CDH18: variants seen among roughly 807,000 people sequenced by gnomAD.
CDH18 encodes cadherin 18.
Under a neutral mutation model 67.9 loss-of-function variants are expected in CDH18, and 31 were observed. That is an observed-to-expected ratio of 0.46 (90% CI 0.34 to 0.62). The LOEUF (loss-of-function observed/expected upper bound fraction) is 0.62. Among genes scored for constraint, CDH18 ranks in the 20% least tolerant of loss-of-function variants. The pLI, the probability that CDH18 is intolerant of heterozygous loss-of-function variation, is 0.01. For missense variants in CDH18, 890 were observed against 975.5 expected, an observed-to-expected ratio of 0.91 and a Z score of 1.17; for synonymous variants, 362 against 347.2, an observed-to-expected ratio of 1.04 and a Z score of -0.48.
chr5:19,948,566 G>A (rs906539094), intron 2 of CDH18, among the ~76,000 whole-genome samples: 1 of 152,284 alleles, frequency 6.6e-6, no homozygotes, highest in Admixed American at 6.5e-5. Context: ...AGGGAGGCTT[G>A]TGCTAGGGCA....
At chr5:19,712,922 A>T (rs533429856) in intron 5 of CDH18, among the ~76,000 whole-genome samples, 1 of 151,864 alleles carries the variant, frequency 6.6e-6, no homozygotes, top group Admixed American at 6.6e-5. Context: ...ATTTAAAGTA[A>T]TGAAAGAAAA....
chr5:19,693,688 G>A (rs1047735577), intron 5 of CDH18, among the ~76,000 whole-genome samples: 1 of 152,102 alleles, frequency 6.6e-6, no homozygotes, highest in African/African-American at 2.4e-5. Flanking sequence ...CTTCTGGTCA[G>A]GAGTTTGAGA....
chr5:20,535,022 C>T (rs984617910), intron 1 of CDH18, among the ~76,000 whole-genome samples: 25 of 152,018 alleles, frequency 1.6e-4, no homozygotes, highest in African/African-American at 5.6e-4. Context: ...ATAATTATAG[C>T]ACTTTTCTCA....
chr5:19,962,077 G>A (rs1047974244), intron 2 of CDH18, among the ~76,000 whole-genome samples: 7 of 151,648 alleles, frequency 4.6e-5, no homozygotes, highest in Non-Finnish European at 1.0e-4. Context: ...TATTTTGTTT[G>A]AAGAAATAGA....
At chr5:20,106,226 A>T (rs906741609) in intron 2 of CDH18, among the ~76,000 whole-genome samples, 1 of 152,172 alleles carries the variant, frequency 6.6e-6, no homozygotes, top group African/African-American at 2.4e-5. Flanking sequence ...TCACACTATC[A>T]TCTGTGCTTT....
Position 20,557,304 on chromosome 5 carries a change from TAAGTA to T in CDH18, c.-580+18153_-580+18157del, listed in dbSNP as rs534043715. Among the ~76,000 whole-genome samples the T allele has an allele frequency of 1.1e-4, 17 of 152,008 alleles. No homozygotes were observed. In the East Asian group the frequency reaches 2.9e-3, roughly 26 times the overall value. ...CGTGGAGAGATCGGCGAAAAAAATG[TAAGTA>T]AAGAAAATATGAATGCAAATTTATA... On this transcript the variant is annotated intron_variant, in intron 1 of 14. Coordinates refer to the CDH18 transcript ENST00000507958.
chr5:19,793,750 C>T (rs1776591799), intron 3 of CDH18, among the ~76,000 whole-genome samples: 1 of 151,892 alleles, frequency 6.6e-6, no homozygotes, highest in African/African-American at 2.4e-5. Context: ...GTACTGTACT[C>T]CTGAAAGGTA....
At chr5:20,366,248 A>G (rs1580840517) in intron 1 of CDH18, among the ~76,000 whole-genome samples, 2 of 152,252 alleles carry the variant, frequency 1.3e-5, no homozygotes, top group East Asian at 1.9e-4. Context: ...AGGATAGAAA[A>G]TGGAGAATAA....
At chr5:19,676,091 A>C (rs1265940018) in intron 5 of CDH18, among the ~76,000 whole-genome samples, 2 of 152,016 alleles carry the variant, frequency 1.3e-5, no homozygotes, top group Admixed American at 6.6e-5. Context: ...CAGGATGAGG[A>C]AAGAATCTCA....
intron 2 of CDH18, among the ~76,000 whole-genome samples, chr5:20,178,890 C>A (rs748139280): frequency 1.3e-5 from 2 of 152,008 alleles, no homozygotes; most frequent in South Asian, 4.1e-4. Flanking sequence ...GTCATGTGTT[C>A]TTGCAATTGA....
intron 1 of CDH18, among the ~76,000 whole-genome samples, chr5:20,336,276 G>A (rs10053204): frequency 1.3e-5 from 2 of 151,958 alleles, no homozygotes; most frequent in Non-Finnish European, 2.9e-5. Flanking sequence ...CACTCCAGAG[G>A]GGGGAATGAG....
intron 1 of CDH18, among the ~76,000 whole-genome samples, chr5:20,320,363 A>G (rs184421951): frequency 7.2e-4 from 109 of 152,312 alleles, no homozygotes; most frequent in Middle Eastern, 3.4e-3. Flanking sequence ...CACAAAAAAA[A>G]GAACCACTGA....
intron 1 of CDH18, among the ~76,000 whole-genome samples, chr5:20,454,996 A>G (rs1454166760): frequency 6.6e-6 from 1 of 152,028 alleles, no homozygotes; most frequent in Admixed American, 6.6e-5. Context: ...CAGGAAGAAC[A>G]TGCAAGAACA....
upstream of CDH18, among the ~76,000 whole-genome samples, chr5:19,988,698 GTGGCAAGC>G (rs1799799380): frequency 6.6e-6 from 1 of 152,060 alleles, no homozygotes; most frequent in Non-Finnish European, 1.5e-5. Flanking sequence ...AGGCGCTGAT[GTGGCAAGC>G]TGGTAATAAA....
At chr5:20,496,586 T>C (rs1244079377) in intron 1 of CDH18, among the ~76,000 whole-genome samples, 1 of 152,140 alleles carries the variant, frequency 6.6e-6, no homozygotes, top group East Asian at 1.9e-4. Context: ...CTGTCGCCAA[T>C]ATACTAATGA....
intron 3 of CDH18, among the ~76,000 whole-genome samples, chr5:19,832,739 T>C (rs1297273419): frequency 6.6e-6 from 1 of 152,184 alleles, no homozygotes; most frequent in African/African-American, 2.4e-5. Flanking sequence ...TTCAGTTTCC[T>C]GCATATGTCT....
intron 1 of CDH18, among the ~76,000 whole-genome samples, chr5:20,290,619 A>G (rs1198755087): frequency 2.6e-5 from 4 of 152,188 alleles, no homozygotes; most frequent in Admixed American, 6.6e-5. Flanking sequence ...TTTGAGCCAC[A>G]TCCTGACAAG....
At chr5:20,428,596 C>T (rs1748500465) in intron 1 of CDH18, among the ~76,000 whole-genome samples, 1 of 152,174 alleles carries the variant, frequency 6.6e-6, no homozygotes, top group Middle Eastern at 3.2e-3. Flanking sequence ...CACATCCTCG[C>T]CAGCATCTGT....
At chr5:19,626,670 T>A (rs181568945) in intron 5 of CDH18, among the ~76,000 whole-genome samples, 52 of 151,812 alleles carry the variant, frequency 3.4e-4, no homozygotes, top group Admixed American at 1.7e-3. Context: ...CTCACAACAC[T>A]GACATTCTAG....
Sources: gnomAD v4.1 joint callset for allele counts (sites outside exome capture counted in the v4.1 genomes callset) on GRCh38, gnomAD v4.1.1 for gene constraint, MANE v1.5 for transcripts, NCBI Gene and HGNC (gene_info 2026-07-23, HGNC 2026-07-21) for gene names.